The following GPC6 variants were observed in gnomAD, a reference collection of about 807,000 sequenced individuals.
GPC6 encodes glypican-6.
In GPC6, 14 loss-of-function variants were observed where a neutral mutation model predicts 55.2. The observed-to-expected ratio is 0.25, with a 90% confidence interval of 0.17 to 0.40. The LOEUF is 0.40. GPC6 is among the 10% of genes least tolerant of loss of function. The probability of loss-of-function intolerance (pLI) is 1.00; values close to 1 mark genes in which losing one functional copy is unlikely to be tolerated. For synonymous variants in GPC6, 278 were observed against 259.6 expected (o/e 1.07, Z -0.68); for missense variants, 641 against 708.5 (o/e 0.90, Z 1.08).
At position 93,237,402 on chromosome 13, in the gene GPC6, C is replaced by A. The variant is rs756509206; in HGVS notation, c.160+9786C>A. On this transcript the variant is annotated intron_variant, in intron 1 of 8. Transcript: ENST00000377047. ...AACGTCTCTTCATGTCATTTACACACTTTTTAATGCGATTATTCATTTTAT... is the reference window on the plus strand; with the variant it reads ...AACGTCTCTTCATGTCATTTACACAATTTTTAATGCGATTATTCATTTTAT... Among the ~76,000 whole-genome samples the A allele has an allele frequency of 4.6e-5, 7 of 152,184 alleles. No individual in the cohort carries two copies. The South Asian group carries it at 6.2e-4, about 14-fold the overall frequency.
chr13:93,477,640 A>G (rs903834610), intron 1 of GPC6, among the ~76,000 whole-genome samples: 4 of 152,230 alleles, frequency 2.6e-5, no homozygotes, highest in African/African-American at 9.6e-5. Context: ...GGATGTAATC[A>G]GAGCCATATT....
chr13:93,497,783 C>T (rs1036139572), intron 1 of GPC6, among the ~76,000 whole-genome samples: 1 of 152,184 alleles, frequency 6.6e-6, no homozygotes, highest in African/African-American at 2.4e-5. Flanking sequence ...ACCATAGAAC[C>T]AGTAATGGTG....
At chr13:93,629,036 G>GAAAAA (rs5805815) in intron 2 of GPC6, among the ~76,000 whole-genome samples, 2 of 137,470 alleles carry the variant, frequency 1.5e-5, no homozygotes, top group Non-Finnish European at 3.1e-5. Flanking sequence ...CTTCTAGCCA[G>GAAAAA]AAAAAAAAAA....
chr13:93,702,049 G>A (rs1246392261), intron 2 of GPC6, among the ~76,000 whole-genome samples: 1 of 151,992 alleles, frequency 6.6e-6, no homozygotes, highest in African/African-American at 2.4e-5. Flanking sequence ...TTTCCAGAAG[G>A]TTTTCAATTT....
At chr13:93,542,731 G>A (rs1594250614) in intron 1 of GPC6, among the ~76,000 whole-genome samples, 1 of 152,048 alleles carries the variant, frequency 6.6e-6, no homozygotes, top group East Asian at 1.9e-4. Flanking sequence ...CCTTGAAGAG[G>A]TCCATCACGT....
At chr13:93,994,792 G>C (rs568375449) in intron 3 of GPC6, among the ~76,000 whole-genome samples, 1 of 152,152 alleles carries the variant, frequency 6.6e-6, no homozygotes, top group South Asian at 2.1e-4. Flanking sequence ...ACAATATCCA[G>C]TACGATTTTT....
At chr13:93,777,178 G>T (rs1306326079) in intron 2 of GPC6, among the ~76,000 whole-genome samples, 4 of 152,308 alleles carry the variant, frequency 2.6e-5, no homozygotes, top group Admixed American at 2.0e-4. Flanking sequence ...ATAGGTAAAA[G>T]GATCTCACAC....
intron 2 of GPC6, among the ~76,000 whole-genome samples, chr13:93,621,966 C>CTA (rs1385523508): frequency 1.3e-5 from 2 of 152,134 alleles, no homozygotes; most frequent in African/African-American, 4.8e-5. Flanking sequence ...TTCCTTCTAT[C>CTA]TAACTGTATG....
chr13:94,113,648 A>T (rs1886326262), intron 4 of GPC6, among the ~76,000 whole-genome samples: 1 of 152,098 alleles, frequency 6.6e-6, no homozygotes. Flanking sequence ...GATGTTAGGG[A>T]AAATATTCAA....
chr13:93,559,604 C>T (rs1875656094), intron 2 of GPC6, among the ~76,000 whole-genome samples: 1 of 152,190 alleles, frequency 6.6e-6, no homozygotes, highest in South Asian at 2.1e-4. Context: ...CTCTAGAGCT[C>T]TGTTGAAGTC....
intron 1 of GPC6, among the ~76,000 whole-genome samples, chr13:93,505,320 T>G (rs1880667192): frequency 6.6e-6 from 1 of 152,144 alleles, no homozygotes; most frequent in African/African-American, 2.4e-5. Flanking sequence ...AAATACATGG[T>G]TAGGTCCCCT....
intron 1 of GPC6, among the ~76,000 whole-genome samples, chr13:93,401,761 T>C (rs1295459386): frequency 2.6e-5 from 4 of 151,658 alleles, no homozygotes; most frequent in Non-Finnish European, 4.4e-5. Context: ...GGCTAGTTTA[T>C]TTTTTGTGTG....
At chr13:94,386,106 TCC>T in intron 7 of GPC6, among the ~76,000 whole-genome samples, 1 of 148,390 alleles carries the variant, frequency 6.7e-6, no homozygotes, top group Middle Eastern at 4.2e-3. Flanking sequence ...CAGCCTGTAA[TCC>T]CAGCACTTTG....
chr13:94,323,182 G>A (rs1481032783), intron 6 of GPC6, among the ~76,000 whole-genome samples: 2 of 152,088 alleles, frequency 1.3e-5, no homozygotes, highest in African/African-American at 4.8e-5. Context: ...GCCTGCCCCA[G>A]CCCACCAGAT....
At chr13:94,164,746 T>A (rs1301179289) in intron 4 of GPC6, among the ~76,000 whole-genome samples, 2 of 152,172 alleles carry the variant, frequency 1.3e-5, no homozygotes, top group Non-Finnish European at 2.9e-5. Context: ...TCTCTCACTC[T>A]GCTACCTATG....
chr13:93,878,518 A>G (rs1426319307), intron 3 of GPC6, among the ~76,000 whole-genome samples: 1 of 152,116 alleles, frequency 6.6e-6, no homozygotes, highest in Non-Finnish European at 1.5e-5. Flanking sequence ...AACTGGGATT[A>G]CAGCCATGCA....
rs770923810 is a variant in GPC6 at position 93,390,299 on chromosome 13, GGGTGACCAGT to G, written c.161-154961_161-154952del. Among the ~76,000 whole-genome samples, 36 of 152,136 alleles carry G rather than the reference GGGTGACCAGT, an allele frequency of 2.4e-4. 1 individual carries two copies. The highest frequency in any genetic ancestry group is 1.0e-3 in the South Asian group (5 of 4,826). ...TGGAGAAGGAAGGTCAAAGCACCAGGGGTGACCAGTGGGAGGGAAAGGAGACCTTTACTGA... is the reference window on the plus strand; with the variant it reads ...TGGAGAAGGAAGGTCAAAGCACCAGGGGGAGGGAAAGGAGACCTTTACTGA... On this transcript the variant is annotated intron_variant, in intron 1 of 8. Coordinates refer to ENST00000377047, the MANE Select transcript of GPC6 (RefSeq NM_005708.5).
chr13:93,302,917 G>A (rs1878731156), intron 1 of GPC6, among the ~76,000 whole-genome samples: 1 of 152,140 alleles, frequency 6.6e-6, no homozygotes, highest in Non-Finnish European at 1.5e-5. Context: ...TTCTACTTAG[G>A]AGATTTGCAA....
intron 1 of GPC6, among the ~76,000 whole-genome samples, chr13:93,386,475 A>AC (rs58313728): frequency 0.06 from 9,129 of 152,248 alleles, 321 homozygotes; most frequent in African/African-American, 0.084. Flanking sequence ...CTAATAGTGC[A>AC]TAACAAGGGT....
Sources: gnomAD v4.1 joint callset for allele counts (sites outside exome capture counted in the v4.1 genomes callset) on GRCh38, gnomAD v4.1.1 for gene constraint, MANE v1.5 for transcripts, NCBI Gene and HGNC (gene_info 2026-07-23, HGNC 2026-07-21) for gene names.